Variants in PXK observed in about 807,000 individuals in gnomAD.
PXK encodes PX domain containing serine/threonine kinase like.
A neutral mutation model predicts 84.7 loss-of-function variants in PXK; 35 were observed. That is an observed-to-expected ratio of 0.41 (90% CI 0.32 to 0.55). PXK has a LOEUF of 0.55. Ranked by LOEUF, PXK falls within the 20% of genes least tolerant of loss-of-function variation. The pLI, the probability that PXK is intolerant of heterozygous loss-of-function variation, is 0.21. For missense variants in PXK, 634 were observed against 699.7 expected, an observed-to-expected ratio of 0.91 and a Z score of 1.06; for synonymous variants, 253 against 260.8, an observed-to-expected ratio of 0.97 and a Z score of 0.29.
intron 17 of PXK, among the ~76,000 whole-genome samples, chr3:58,417,935 AC>A (rs1159680722): frequency 6.6e-6 from 1 of 151,886 alleles, no homozygotes; most frequent in Non-Finnish European, 1.5e-5. Flanking sequence ...TTAACCTCCC[AC>A]CTCAGCCTCC....
chr3:58,375,225 G>T (rs2098428731), intron 3 of PXK, among the ~76,000 whole-genome samples: 1 of 152,138 alleles, frequency 6.6e-6, no homozygotes, highest in African/African-American at 2.4e-5. Context: ...GACTCAGCTG[G>T]GGATGCTGCT....
At chr3:58,367,635 G>T (rs2098294913) in intron 2 of PXK, among the ~76,000 whole-genome samples, 1 of 152,100 alleles carries the variant, frequency 6.6e-6, no homozygotes, top group Non-Finnish European at 1.5e-5. Context: ...ATTTGATGAA[G>T]AATGGATAGC....
chr3:58,392,421 CA>C (rs2106922904), intron 7 of PXK, among the ~76,000 whole-genome samples: 1 of 152,318 alleles, frequency 6.6e-6, no homozygotes, highest in South Asian at 2.1e-4. Flanking sequence ...ATTGAGTTAA[CA>C]TTGACATTCT....
intron 17 of PXK, chr3:58,423,644 A>C: frequency 6.5e-6 from 9 of 1,390,348 alleles, no homozygotes; most frequent in African/African-American, 1.4e-5. Context: ...ATCACAACTC[A>C]GTAGCAGTGT....
intron 1 of PXK, among the ~76,000 whole-genome samples, chr3:58,357,170 G>A (rs540009486): frequency 4.6e-5 from 7 of 151,598 alleles, no homozygotes; most frequent in South Asian, 4.2e-4. Flanking sequence ...TCCCAGCTAC[G>A]TGGGAGGCTG....
rs1208687286 is a variant in PXK, at chr3:58,421,047, C to T, written c.1529-3705C>T. On this transcript the variant is annotated intron_variant, in intron 17 of 17. Transcript: ENST00000356151. This position sits in a 1 kb window ranked among gnomAD's most constrained non-coding sequence, Gnocchi z 5.5. ...TTTTGTAAGCATCCTTTATAATTCTCGAGCTGTGACAGGAGTACAGCCTCC... is the reference window on the plus strand; with the variant it reads ...TTTTGTAAGCATCCTTTATAATTCTTGAGCTGTGACAGGAGTACAGCCTCC... 14 of 1,000,464 alleles carry T rather than the reference C, an allele frequency of 1.4e-5. No homozygotes were observed. Among genetic ancestry groups the T allele is most frequent in the Non-Finnish European group, 1.5e-5 (13 of 839,660 alleles). 62.0% of individuals were successfully genotyped at this position (1,000,464 alleles called of 1,614,324 possible). A position where few individuals can be genotyped will look rare whatever the true frequency, so the allele number is the denominator to read the frequency against.
In PXK at chr3:58,409,152, T is replaced by C. The variant is rs2059818313; in HGVS notation, c.1308+151T>C. 3 of 650,132 alleles carry C rather than the reference T, an allele frequency of 4.6e-6. No homozygotes were observed. The highest frequency in any genetic ancestry group is 8.0e-6 in the Non-Finnish European group (3 of 376,288). 40.3% of individuals were successfully genotyped at this position (650,132 alleles called of 1,614,324 possible). A position where few individuals can be genotyped will look rare whatever the true frequency, so the allele number is the denominator to read the frequency against. ...TAGGCTAAATGCTTCCCTGCAGAGC[T>C]GAATACTTGACAGTCCTGCCCTCAG... is the stretch of plus-strand genomic sequence containing the variant. On this transcript the variant is annotated intron_variant, in intron 14 of 17. Transcript: ENST00000356151. The surrounding 1 kb of genome is among the most constrained non-coding windows in gnomAD (Gnocchi z 4.2).
Position 58,397,535 on chromosome 3 carries a change from T to C in PXK, c.985-70T>C. 1.5e-6 allele frequency: 2 copies of C among 1,300,584 alleles called. No individual in the cohort carries two copies. The highest frequency in any genetic ancestry group is 2.2e-6 in the Non-Finnish European group (2 of 896,592). The allele number at this position is 1,300,584 out of a possible 1,614,324, so 80.6% of individuals were successfully genotyped here. On this transcript the variant is annotated intron_variant, in intron 10 of 17. Transcript: ENST00000356151. The surrounding 1 kb of genome is among the most constrained non-coding windows in gnomAD (Gnocchi z 4.7). ...TGGGCTTTGTTTCTCAGAGAAGCCT[T>C]GGGGCAGGAGCGCGAGGGTCCACAA...
rs566133713 is a variant in PXK at position 58,413,216 on chromosome 3, T to A, written c.1528+253T>A. On this transcript the variant is annotated intron_variant, in intron 17 of 17. Transcript: ENST00000356151. ...CCCCCGGGCTCCAGCTTGCTGTCTTTGCTGAAAAGCTTCATGCAGAGCTTC... is the reference window on the plus strand; with the variant it reads ...CCCCCGGGCTCCAGCTTGCTGTCTTAGCTGAAAAGCTTCATGCAGAGCTTC... 1.1e-3 allele frequency: 628 copies of A among 553,036 alleles called. 1 individual carries two copies. The highest frequency in any genetic ancestry group is 6.3e-3 in the Middle Eastern group (13 of 2,058). 34.3% of individuals were successfully genotyped at this position (553,036 alleles called of 1,614,324 possible).
chr3:58,422,599 A>ACC (rs1265753366), intron 17 of PXK: 1 of 985,204 alleles, frequency 1.0e-6, no homozygotes, highest in South Asian at 4.7e-5. Context: ...CATGTACTGA[A>ACC]CCCCACCCTC....
intron 1 of PXK, among the ~76,000 whole-genome samples, chr3:58,345,599 G>A (rs2097800682): frequency 6.6e-6 from 1 of 152,116 alleles, no homozygotes; most frequent in African/African-American, 2.4e-5. Context: ...TATTATGGAT[G>A]TAAATGAAAT....
chr3:58,356,804 A>G (rs1254414250), intron 1 of PXK, among the ~76,000 whole-genome samples: 4 of 149,924 alleles, frequency 2.7e-5, no homozygotes, highest in East Asian at 2.0e-4. Flanking sequence ...GGGTTTCACT[A>G]TGTTGGCCAG....
rs546625660 is a variant in PXK at position 58,407,513 on chromosome 3, G to A, written c.1231-1411G>A. ...CATTTCTTGAGTTGTCTTTTACTCCGTTTTTCTTTGTTGCACCAATGTTTT... is the reference window on the plus strand; with the variant it reads ...CATTTCTTGAGTTGTCTTTTACTCCATTTTTCTTTGTTGCACCAATGTTTT... On this transcript the variant is annotated intron_variant, in intron 13 of 17. Transcript: ENST00000356151. This position sits in a 1 kb window ranked among gnomAD's most constrained non-coding sequence, Gnocchi z 4.3. Among the ~76,000 whole-genome samples the A allele has an allele frequency of 1.3e-4, 19 of 151,490 alleles. No homozygotes were observed. Among genetic ancestry groups the A allele is most frequent in the South Asian group, 1.3e-3 (6 of 4,798 alleles).
intron 4 of PXK, among the ~76,000 whole-genome samples, chr3:58,389,683 A>G: frequency 6.6e-6 from 1 of 151,496 alleles, no homozygotes; most frequent in East Asian, 1.9e-4. Context: ...CAAACAAAAA[A>G]AAAAACCACA....
chr3:58,351,359 C>A (rs969373683), intron 1 of PXK, among the ~76,000 whole-genome samples: 9 of 151,406 alleles, frequency 5.9e-5, no homozygotes, highest in Non-Finnish European at 1.2e-4. Context: ...CCCCAAATAG[C>A]TGAGACTACA....
chr3:58,375,035 A>T (rs926913718), intron 3 of PXK, among the ~76,000 whole-genome samples: 3 of 77,654 alleles, frequency 3.9e-5, no homozygotes, highest in African/African-American at 1.1e-4. Context: ...GCAGAGCAAT[A>T]CATTTAAAAA....
chr3:58,390,655 CAT>C lies in PXK; in HGVS notation c.464_465del (p.Ile155ArgfsTer14), dbSNP rs2098619901. ...GGGAGGTGGTGGAACCTTTGAAAGA[CAT>C]AGGTGAGACATTGGCACGCTCATTC... Reference protein sequence around the residue: ...KWEVVEPLKDIGWRIRKKYFL... With the variant: ...KWEVVEPLKDXGWRIRKKYFL... On this transcript the variant is annotated frameshift_variant and splice_region_variant, in exon 5 of 18. Transcript: ENST00000356151. LOFTEE classifies it high-confidence loss of function. This position sits in a 1 kb window ranked among gnomAD's most constrained non-coding sequence, Gnocchi z 4.2. 2 of 1,611,330 alleles carry C rather than the reference CAT, an allele frequency of 1.2e-6. No homozygotes were observed. Among genetic ancestry groups the C allele is most frequent in the Non-Finnish European group, 1.7e-6 (2 of 1,178,284 alleles).
chr3:58,359,628 A>T (rs1411767290), intron 1 of PXK, among the ~76,000 whole-genome samples: 1 of 151,954 alleles, frequency 6.6e-6, no homozygotes, highest in Non-Finnish European at 1.5e-5. Flanking sequence ...CTCTAGACAT[A>T]AAAAAAACAT....
At chr3:58,357,977 CA>C (rs1167287106) in intron 1 of PXK, among the ~76,000 whole-genome samples, 2 of 148,910 alleles carry the variant, frequency 1.3e-5, no homozygotes, top group Admixed American at 1.3e-4. Context: ...AACAAAAAAA[CA>C]AAAAAACAAA....
Sources: allele counts gnomAD v4.1 joint callset (sites outside exome capture counted in the v4.1 genomes callset), GRCh38; gene constraint gnomAD v4.1.1; non-coding constraint Gnocchi (gnomAD v3.1); transcripts MANE v1.5; gene names NCBI Gene and HGNC (gene_info 2026-07-23, HGNC 2026-07-21).